KHDRBS2: variants seen among roughly 807,000 people sequenced by gnomAD.
KHDRBS2 encodes KH domain-containing, RNA-binding, signal transduction-associated protein 2.
A neutral mutation model predicts 44.3 loss-of-function variants in KHDRBS2; 26 were observed. The ratio of observed to expected loss-of-function variants is 0.59; its 90% CI spans 0.43 to 0.81. KHDRBS2 has a LOEUF of 0.81. Among genes scored for constraint, KHDRBS2 ranks in the 40% least tolerant of loss-of-function variants. KHDRBS2 has a pLI of 0.00. For missense variants in KHDRBS2, 476 were observed against 433.1 expected, an observed-to-expected ratio of 1.10 and a Z score of -0.88; for synonymous variants, 194 against 151.1, an observed-to-expected ratio of 1.28 and a Z score of -2.08.
At chr6:62,063,752 T>A (rs1249279673) in intron 2 of KHDRBS2, among the ~76,000 whole-genome samples, 2 of 127,300 alleles carry the variant, frequency 1.6e-5, no homozygotes, top group Non-Finnish European at 3.3e-5. Flanking sequence ...CCACTCCTAT[T>A]CAACATAGTG....
At chr6:62,141,579 T>G (rs560062332) in intron 2 of KHDRBS2, among the ~76,000 whole-genome samples, 4 of 152,300 alleles carry the variant, frequency 2.6e-5, no homozygotes, top group Admixed American at 2.6e-4. Context: ...CTTTTCCCTG[T>G]GCCTAATGAA....
Position 61,695,135 on chromosome 6 carries a change from C to T in KHDRBS2, c.952+2060G>A, listed in dbSNP as rs1046377211. Among the ~76,000 whole-genome samples, 20 of 152,056 alleles carry T rather than the reference C, an allele frequency of 1.3e-4. No individual in the cohort carries two copies. The East Asian group carries it at 2.9e-3, about 22-fold the overall frequency. Reference sequence around the variant, plus strand: ...TTTAGGATTTAGGAAGGAAGCTGAACGCCTTTCCTTTAAACAAACTCAGGT... The same window carrying T: ...TTTAGGATTTAGGAAGGAAGCTGAATGCCTTTCCTTTAAACAAACTCAGGT... On this transcript the variant is annotated intron_variant, in intron 8 of 8. Coordinates refer to ENST00000281156, the MANE Select transcript of KHDRBS2 (RefSeq NM_152688.4).
chr6:61,872,713 G>A (rs1468546054), intron 6 of KHDRBS2, among the ~76,000 whole-genome samples: 5 of 152,004 alleles, frequency 3.3e-5, no homozygotes, highest in Non-Finnish European at 4.4e-5. Context: ...TTTTATGTGG[G>A]AAAACAAGAC....
chr6:62,279,000 AG>A (rs1841410728), intron 1 of KHDRBS2, among the ~76,000 whole-genome samples: 2 of 152,210 alleles, frequency 1.3e-5, no homozygotes, highest in Non-Finnish European at 2.9e-5. Context: ...AGGCTGAGAC[AG>A]GAGAATGGCC....
At chr6:61,550,375 AT>A in the KHDRBS2 span, among the ~76,000 whole-genome samples, 1 of 152,048 alleles carries the variant, frequency 6.6e-6, no homozygotes, top group Non-Finnish European at 1.5e-5. Flanking sequence ...GCATGATCTC[AT>A]TTTTTATGCT....
chr6:61,552,925 T>C, the KHDRBS2 span, among the ~76,000 whole-genome samples: 14 of 152,198 alleles, frequency 9.2e-5, no homozygotes, highest in Non-Finnish European at 2.1e-4. Flanking sequence ...GATTTTTGCA[T>C]CTATGTTCAT....
chr6:62,129,168 A>G lies in KHDRBS2; in HGVS notation c.219+48017T>C, dbSNP rs926119279. Among the ~76,000 whole-genome samples, 7 of 152,268 alleles carry G rather than the reference A, an allele frequency of 4.6e-5. No homozygotes were observed. In the South Asian group the frequency reaches 8.3e-4, roughly 18 times the overall value. ...TACTTTTCTATATTTTATGGATTAA[A>G]ACAGTGTGAAATGATGGCTTTAAAT... On this transcript the variant is annotated intron_variant, in intron 2 of 8. Coordinates refer to ENST00000281156, the MANE Select transcript of KHDRBS2 (RefSeq NM_152688.4).
chr6:61,863,132 C>G (rs924940838), intron 6 of KHDRBS2, among the ~76,000 whole-genome samples: 2 of 151,908 alleles, frequency 1.3e-5, no homozygotes, highest in Admixed American at 1.3e-4. Context: ...GTGACAATAT[C>G]CCCCTTACCA....
the KHDRBS2 span, among the ~76,000 whole-genome samples, chr6:61,664,249 G>A: frequency 6.6e-6 from 1 of 151,700 alleles, no homozygotes; most frequent in Non-Finnish European, 1.5e-5. Flanking sequence ...TGAAAATATA[G>A]TATCAATGGA....
chr6:61,789,077 G>T (rs535091616), intron 6 of KHDRBS2, among the ~76,000 whole-genome samples: 27 of 151,394 alleles, frequency 1.8e-4, no homozygotes, highest in Non-Finnish European at 4.0e-4. Context: ...GTAAGAAAAC[G>T]AGTAGCTATC....
At chr6:61,867,568 C>T (rs1797968887) in intron 6 of KHDRBS2, among the ~76,000 whole-genome samples, 2 of 152,200 alleles carry the variant, frequency 1.3e-5, no homozygotes, top group African/African-American at 4.8e-5. Context: ...TGCACTAATC[C>T]TATCTCATCT....
chr6:61,969,763 C>T (rs557204932), intron 4 of KHDRBS2, among the ~76,000 whole-genome samples: 3 of 151,932 alleles, frequency 2.0e-5, no homozygotes, highest in African/African-American at 7.2e-5. Flanking sequence ...GGATAACAGA[C>T]AAGACCAGTG....
intron 6 of KHDRBS2, among the ~76,000 whole-genome samples, chr6:61,834,286 A>G (rs1792301124): frequency 6.6e-6 from 1 of 152,034 alleles, no homozygotes; most frequent in Non-Finnish European, 1.5e-5. Flanking sequence ...CAAAGACACA[A>G]AAGGCATTTT....
chr6:62,198,986 C>A (rs1341144151), intron 1 of KHDRBS2, among the ~76,000 whole-genome samples: 5 of 152,116 alleles, frequency 3.3e-5, no homozygotes, highest in East Asian at 1.9e-4. Context: ...AAGACAAAAA[C>A]CACATGATTA....
chr6:61,758,905 A>T (rs769561359), intron 6 of KHDRBS2, among the ~76,000 whole-genome samples: 1 of 152,156 alleles, frequency 6.6e-6, no homozygotes, highest in Non-Finnish European at 1.5e-5. Context: ...TTCACAAATA[A>T]TGTGCCATAT....
intron 2 of KHDRBS2, among the ~76,000 whole-genome samples, chr6:62,081,077 C>A (rs1477795442): frequency 1.3e-5 from 2 of 152,074 alleles, no homozygotes; most frequent in East Asian, 3.9e-4. Context: ...TTGTAAATCA[C>A]CACCTTTGAA....
intron 1 of KHDRBS2, among the ~76,000 whole-genome samples, chr6:62,225,660 C>T (rs970430792): frequency 2.6e-5 from 4 of 152,108 alleles, no homozygotes; most frequent in East Asian, 1.9e-4. Flanking sequence ...CATGCATTAG[C>T]TATTTTTTGT....
intron 7 of KHDRBS2, among the ~76,000 whole-genome samples, chr6:61,704,576 A>G (rs1241923185): frequency 1.3e-5 from 2 of 151,732 alleles, no homozygotes; most frequent in African/African-American, 4.8e-5. Flanking sequence ...CAGGGACCAA[A>G]TCTTGAAGGA....
At chr6:62,078,647 T>C (rs1292391988) in intron 2 of KHDRBS2, among the ~76,000 whole-genome samples, 1 of 151,972 alleles carries the variant, frequency 6.6e-6, no homozygotes, top group Non-Finnish European at 1.5e-5. Context: ...ATGACAGAAA[T>C]TGAAAGGAAA....
Sources: allele counts gnomAD v4.1 joint callset (sites outside exome capture counted in the v4.1 genomes callset), GRCh38; gene constraint gnomAD v4.1.1; transcripts MANE v1.5; gene names NCBI Gene and HGNC (gene_info 2026-07-23, HGNC 2026-07-21).